ATXN2: variants seen among roughly 807,000 people sequenced by gnomAD.
The protein encoded by ATXN2 is ataxin 2.
A neutral mutation model predicts 138.6 loss-of-function variants in ATXN2; 37 were observed. The observed-to-expected ratio is 0.27, with a 90% CI of 0.21 to 0.35. The LOEUF is 0.35. ATXN2 is among the 10% of genes least tolerant of loss of function. ATXN2 has a pLI of 1.00. For missense variants in ATXN2, 1,216 were observed against 1,480.3 expected (o/e 0.82, Z 2.93); for synonymous variants, 549 against 543.7 (o/e 1.01, Z -0.13).
In ATXN2 at chr12:111,518,275, C is replaced by G; in HGVS notation, c.1139G>C (p.Gly380Ala). Residue 380 changes from glycine (G) to alanine (A), a missense_variant, in exon 9 of 25, where the codon GGT (glycine) becomes GCT (alanine). Around this residue, in one of 4 missense-constraint regions of ATXN2, gnomAD observed 401 missense variants for 528.1 expected, o/e 0.76. Coordinates refer to ENST00000673436, the MANE Select transcript of ATXN2 (RefSeq NM_001372574.1). Reference sequence around the variant, plus strand: ...TCCATTAACTACTCTTTGGTCTGAACCAGAATTCGGGTTGAAATCTGAAGT... The same window carrying G: ...TCCATTAACTACTCTTTGGTCTGAAGCAGAATTCGGGTTGAAATCTGAAGT... ...SHTSDFNPNS[G>A]SDQRVVNGGV... 8.1e-6 allele frequency: 13 copies of G among 1,608,706 alleles called. No individual in the cohort carries two copies. The highest frequency in any genetic ancestry group is 1.1e-5 in the Non-Finnish European group (13 of 1,176,342).
chr12:111,530,155 A>G (rs1021487410), intron 5 of ATXN2, among the ~76,000 whole-genome samples: 8 of 152,234 alleles, frequency 5.3e-5, no homozygotes, highest in Admixed American at 2.6e-4. Flanking sequence ...GTATCAGTAT[A>G]TAGATTGGTA....
Position 111,456,138 on chromosome 12 carries a change from T to A in ATXN2, c.3161A>T (p.Gln1054Leu). The stretch of plus-strand genomic sequence containing the variant: ...TGCTGGGAAACTATTCTGTGGCGAC[T>A]GCGTGTTGGAGGCAGGTGTCATGGA... Reference protein sequence around the residue: ...PPSMTPASNTQSPQNSFPAAQ... With the variant: ...PPSMTPASNTLSPQNSFPAAQ... The change falls in exon 23 of 25, where the codon CAG becomes CTG. Residue 1054 changes from glutamine (Q) to leucine (L), a missense_variant. Gln to Leu is a moderately radical substitution (Grantham distance 113, BLOSUM62 -2). Around this residue, in one of 4 missense-constraint regions of ATXN2, gnomAD observed 490 missense variants for 653.5 expected, o/e 0.75. Coordinates refer to ENST00000673436, the MANE Select transcript of ATXN2 (RefSeq NM_001372574.1). 2 of 1,614,226 alleles carry A rather than the reference T, an allele frequency of 1.2e-6. No homozygotes were observed. Among genetic ancestry groups the A allele is most frequent in the Non-Finnish European group, 1.7e-6 (2 of 1,180,042 alleles).
chr12:111,500,512 T>C (rs1878695453), intron 14 of ATXN2, among the ~76,000 whole-genome samples: 1 of 151,822 alleles, frequency 6.6e-6, no homozygotes, highest in South Asian at 2.1e-4. Context: ...GCAAAGAAAA[T>C]TTAGAAAGAA....
Position 111,525,090 on chromosome 12 carries a change from C to A in ATXN2, c.696+102G>T, listed in dbSNP as rs931784751. 3.5e-6 allele frequency: 5 copies of A among 1,412,366 alleles called. No individual in the cohort carries two copies. In the African/African-American group the frequency reaches 7.2e-5, roughly 20 times the overall value. 87.5% of individuals were successfully genotyped at this position (1,412,366 alleles called of 1,614,324 possible). ...ACAAACCTGCTGCTCTAAATACACT[C>A]ACTACAATAACAACAACAACAAAAG... is the stretch of plus-strand genomic sequence containing the variant. On this transcript the variant is annotated intron_variant, in intron 6 of 24. Coordinates refer to ENST00000673436, the MANE Select transcript of ATXN2 (RefSeq NM_001372574.1).
intron 14 of ATXN2, among the ~76,000 whole-genome samples, chr12:111,490,861 G>C (rs1377538563): frequency 6.6e-6 from 1 of 152,068 alleles, no homozygotes; most frequent in African/African-American, 2.4e-5. Flanking sequence ...GTGCTGCCCT[G>C]TCACAGTGGA....
At chr12:111,513,757 T>C (rs941561835) in intron 10 of ATXN2, among the ~76,000 whole-genome samples, 14 of 151,922 alleles carry the variant, frequency 9.2e-5, no homozygotes, top group Admixed American at 7.2e-4. Flanking sequence ...GTTTTATAAA[T>C]AAATTTTATT....
At chr12:111,594,007 A>C (rs1165590154) in intron 1 of ATXN2, among the ~76,000 whole-genome samples, 2 of 152,142 alleles carry the variant, frequency 1.3e-5, no homozygotes, top group Admixed American at 1.3e-4. Flanking sequence ...CCCCCAATCC[A>C]TTTAAAATTG....
At chr12:111,528,473 G>A (rs1880627627) in intron 5 of ATXN2, among the ~76,000 whole-genome samples, 2 of 152,178 alleles carry the variant, frequency 1.3e-5, no homozygotes, top group South Asian at 4.1e-4. Flanking sequence ...TTATTCCACT[G>A]ACCAGAATTT....
intron 1 of ATXN2, among the ~76,000 whole-genome samples, chr12:111,566,346 T>G (rs919985287): frequency 6.7e-6 from 1 of 150,136 alleles, no homozygotes; most frequent in African/African-American, 2.5e-5. Flanking sequence ...GCAGGAGAAT[T>G]GCTTGAACCC....
intron 1 of ATXN2, among the ~76,000 whole-genome samples, chr12:111,587,319 A>C: frequency 6.6e-6 from 1 of 152,174 alleles, no homozygotes; most frequent in East Asian, 1.9e-4. Context: ...ATTATTAAGA[A>C]TATTTTAACA....
rs543820764 is a variant in ATXN2 at position 111,462,630 on chromosome 12, A to G, written c.2896+2032T>C. On this transcript the variant is annotated intron_variant, in intron 21 of 24. Coordinates refer to ENST00000673436, the MANE Select transcript of ATXN2 (RefSeq NM_001372574.1). ...AGATTAAATTAGCAGCCCAACTGTT[A>G]GTTTCTTTTAAAAAGTACTGATACT... 5.3e-5 allele frequency among the ~76,000 whole-genome samples: 8 copies of G among 152,336 alleles called. No individual in the cohort carries two copies. The East Asian group carries it at 1.3e-3, about 26-fold the overall frequency.
chr12:111,518,681 C>T (rs1267916240), intron 8 of ATXN2, among the ~76,000 whole-genome samples: 1 of 152,144 alleles, frequency 6.6e-6, no homozygotes, highest in Non-Finnish European at 1.5e-5. Flanking sequence ...CCCACTTGAC[C>T]TCTCTATGGC....
chr12:111,463,441 C>T (rs1244295354), intron 21 of ATXN2, among the ~76,000 whole-genome samples: 2 of 152,188 alleles, frequency 1.3e-5, no homozygotes, highest in African/African-American at 2.4e-5. Context: ...ACTACAGGTG[C>T]GTGCCACCAT....
intron 5 of ATXN2, among the ~76,000 whole-genome samples, chr12:111,547,305 T>G (rs1881846983): frequency 6.6e-6 from 1 of 152,136 alleles, no homozygotes; most frequent in Non-Finnish European, 1.5e-5. Flanking sequence ...CAGACGCCTA[T>G]AATCCCAGCT....
intron 14 of ATXN2, among the ~76,000 whole-genome samples, chr12:111,502,222 T>C (rs1406012714): frequency 2.0e-5 from 3 of 152,338 alleles, no homozygotes; most frequent in East Asian, 1.9e-4. Context: ...TATAGACTTA[T>C]TCATTTAGTC....
chr12:111,536,790 T>TG (rs1364669070), intron 5 of ATXN2, among the ~76,000 whole-genome samples: 1 of 147,316 alleles, frequency 6.8e-6, no homozygotes, highest in African/African-American at 2.5e-5. Flanking sequence ...TTTTTTTTTT[T>TG]TTTTTTTTTT....
At chr12:111,574,293 G>A (rs1348712348) in intron 1 of ATXN2, among the ~76,000 whole-genome samples, 4 of 108,714 alleles carry the variant, frequency 3.7e-5, no homozygotes, top group Non-Finnish European at 6.7e-5. Context: ...GGGCGACAGA[G>A]CAAGACTCTG....
intron 5 of ATXN2, among the ~76,000 whole-genome samples, chr12:111,528,094 T>C (rs1880602964): frequency 6.6e-6 from 1 of 152,234 alleles, no homozygotes; most frequent in African/African-American, 2.4e-5. Flanking sequence ...TCTAAGATCC[T>C]GTTAATGTCT....
At chr12:111,554,415 C>T (rs1442071272) in intron 2 of ATXN2, among the ~76,000 whole-genome samples, 198 bp from the exon 3 acceptor site, 6 of 151,998 alleles carry the variant, frequency 3.9e-5, no homozygotes, top group African/African-American at 1.5e-4. Flanking sequence ...GATGCTCAGC[C>T]TGTATTTACA....
Sources: gnomAD v4.1 joint callset for allele counts (sites outside exome capture counted in the v4.1 genomes callset) on GRCh38, gnomAD v4.1.1 for gene constraint, gnomAD v4.1.1 regional missense constraint, MANE v1.5 for transcripts, NCBI Gene and HGNC (gene_info 2026-07-23, HGNC 2026-07-21) for gene names.